CRISPLD2: variants seen among roughly 807,000 people sequenced by gnomAD.
The protein encoded by CRISPLD2 is cysteine-rich secretory protein LCCL domain-containing 2.
A neutral mutation model predicts 71.1 loss-of-function variants in CRISPLD2; 47 were observed. That is an observed-to-expected ratio of 0.66 (90% CI 0.52 to 0.84). The LOEUF is 0.84. Among genes scored for constraint, CRISPLD2 ranks in the 40% least tolerant of loss-of-function variants. The probability of loss-of-function intolerance (pLI) is 0.00; values close to 1 mark genes in which losing one functional copy is unlikely to be tolerated. For missense variants in CRISPLD2, 830 were observed against 651.1 expected (o/e 1.27, Z -2.99); for synonymous variants, 317 against 250.1 (o/e 1.27, Z -2.52).
intron 14 of CRISPLD2, among the ~76,000 whole-genome samples, chr16:84,906,277 G>T (rs2071801673): frequency 6.6e-6 from 1 of 152,066 alleles, no homozygotes; most frequent in African/African-American, 2.4e-5. Context: ...GTGAAACCAA[G>T]CAGAATTCTC....
At chr16:84,865,958 A>T (rs1303131276) in intron 6 of CRISPLD2, among the ~76,000 whole-genome samples, 1 of 152,226 alleles carries the variant, frequency 6.6e-6, no homozygotes, top group Non-Finnish European at 1.5e-5. Context: ...GGATAGTTGG[A>T]TAGTTCTACA....
intron 4 of CRISPLD2, among the ~76,000 whole-genome samples, chr16:84,850,146 A>C (rs1917044342): frequency 1.3e-5 from 2 of 150,546 alleles, no homozygotes; most frequent in Middle Eastern, 3.4e-3. Context: ...GCTGGAGTGC[A>C]GTGGCACGAT....
chr16:84,882,900 C>T (rs762754921), intron 13 of CRISPLD2, among the ~76,000 whole-genome samples: 20 of 152,174 alleles, frequency 1.3e-4, no homozygotes, highest in African/African-American at 2.9e-4. Flanking sequence ...TGCTCTTTCC[C>T]TGGTGTATGC....
At chr16:84,883,737 A>G (rs961066161) in intron 13 of CRISPLD2, among the ~76,000 whole-genome samples, 28 of 151,872 alleles carry the variant, frequency 1.8e-4, no homozygotes, top group Non-Finnish European at 2.5e-4. Context: ...GGAATTTTCT[A>G]TTGTGGTGGT....
At chr16:84,868,456 C>A (rs1917602380) in intron 7 of CRISPLD2, among the ~76,000 whole-genome samples, 1 of 152,198 alleles carries the variant, frequency 6.6e-6, no homozygotes, top group Non-Finnish European at 1.5e-5. Flanking sequence ...GCAGCATCCT[C>A]CCTACCCTCT....
intron 6 of CRISPLD2, 64 bp from the exon 7 acceptor site, chr16:84,866,832 TC>T (rs980612914): frequency 1.7e-5 from 25 of 1,510,246 alleles, no homozygotes; most frequent in Non-Finnish European, 2.1e-5. Flanking sequence ...TGCTTTTTTT[TC>T]CCCAAAGTGC....
At chr16:84,888,738 G>C in intron 13 of CRISPLD2, among the ~76,000 whole-genome samples, 1 of 152,202 alleles carries the variant, frequency 6.6e-6, no homozygotes, top group Non-Finnish European at 1.5e-5. Context: ...CTCTGCCTGG[G>C]ATGCTCTGTG....
chr16:84,882,474 G>A (rs813496), intron 13 of CRISPLD2, among the ~76,000 whole-genome samples: 58,274 of 151,556 alleles, frequency 0.38, 11,683 homozygotes, highest in East Asian at 0.62. Flanking sequence ...GCAATTGCAC[G>A]ATCTCGGCTC....
At chr16:84,820,986 G>A (rs961044143) in intron 1 of CRISPLD2, among the ~76,000 whole-genome samples, 3 of 152,246 alleles carry the variant, frequency 2.0e-5, no homozygotes, top group Admixed American at 2.0e-4. Flanking sequence ...AGCCAGGGAG[G>A]ACTTCGCTGA....
rs3803632 is a variant in CRISPLD2, at chr16:84,906,919, G to C, written c.*277G>C. 28,338 of 514,356 alleles carry C rather than the reference G, an allele frequency of 0.055. 1,175 individuals are homozygous for C. The highest frequency in any genetic ancestry group is 0.2 in the East Asian group (5,679 of 28,364). The allele number at this position is 514,356 out of a possible 1,614,324, so 31.9% of individuals were successfully genotyped here. Reference sequence around the variant, plus strand: ...CCTCTCTCCTTTAGAGATCTGAGCTGTCTCTTAAAGGGGACAGTTGCCCAA... The same window carrying C: ...CCTCTCTCCTTTAGAGATCTGAGCTCTCTCTTAAAGGGGACAGTTGCCCAA... On this transcript the variant is annotated 3_prime_UTR_variant, in exon 15 of 15. Transcript: ENST00000262424.
chr16:84,861,268 C>T (rs1917371979), intron 6 of CRISPLD2, among the ~76,000 whole-genome samples: 1 of 152,162 alleles, frequency 6.6e-6, no homozygotes, highest in Admixed American at 6.5e-5. Context: ...TCTAGAACCA[C>T]TCCTGGTACC....
At chr16:84,837,054 C>G (rs1357073280) in intron 1 of CRISPLD2, among the ~76,000 whole-genome samples, 7 of 152,220 alleles carry the variant, frequency 4.6e-5, no homozygotes, top group Non-Finnish European at 8.8e-5. Flanking sequence ...CTTCGCATCC[C>G]CAGTCTCCAT....
In CRISPLD2 at chr16:84,909,443, A is replaced by T. The variant is rs2485; in HGVS notation, c.*2801A>T. On this transcript the variant is annotated 3_prime_UTR_variant, in exon 15 of 15. Transcript: ENST00000262424. ...CAGTAGAACTGGTTTGATTTCTAAAATGTTCCTGTAACATATCTTTTATGA... is the reference window on the plus strand; with the variant it reads ...CAGTAGAACTGGTTTGATTTCTAAATTGTTCCTGTAACATATCTTTTATGA... 0.048 allele frequency: 7,309 copies of T among 152,764 alleles called. 295 individuals are homozygous for T. The highest frequency in any genetic ancestry group is 0.24 in the East Asian group (1,267 of 5,188). 9.5% of individuals were successfully genotyped at this position (152,764 alleles called of 1,614,324 possible). A position where few individuals can be genotyped will look rare whatever the true frequency, so the allele number is the denominator to read the frequency against.
chr16:84,893,648 A>T (rs984513295), intron 14 of CRISPLD2, among the ~76,000 whole-genome samples: 1 of 152,202 alleles, frequency 6.6e-6, no homozygotes, highest in African/African-American at 2.4e-5. Context: ...GTGGAGGGAC[A>T]GTTCAGGGAG....
At chr16:84,853,573 C>T (rs565722359) in intron 5 of CRISPLD2, among the ~76,000 whole-genome samples, 12 of 152,296 alleles carry the variant, frequency 7.9e-5, no homozygotes, top group Non-Finnish European at 1.2e-4. Context: ...CTTCTGGGGC[C>T]GCGGGAAGTT....
chr16:84,831,723 T>G (rs1298572709), intron 1 of CRISPLD2, among the ~76,000 whole-genome samples: 2 of 152,202 alleles, frequency 1.3e-5, no homozygotes, highest in African/African-American at 4.8e-5. Flanking sequence ...ATTTTTATTT[T>G]TTTTAATTTT....
At chr16:84,850,532 C>T (rs751235634) in intron 4 of CRISPLD2, 36 bp from the exon 5 acceptor site, 17 of 1,571,436 alleles carry the variant, frequency 1.1e-5, no homozygotes, top group Middle Eastern at 1.7e-4. Flanking sequence ...TGTGCCTTAT[C>T]CCTCGAGCTG....
chr16:84,878,148 CAGG>C (rs2071537056), intron 12 of CRISPLD2, among the ~76,000 whole-genome samples: 1 of 151,864 alleles, frequency 6.6e-6, no homozygotes, highest in Non-Finnish European at 1.5e-5. Flanking sequence ...GGCGTGAACC[CAGG>C]AGGTGGAGCT....
intron 1 of CRISPLD2, among the ~76,000 whole-genome samples, chr16:84,823,807 G>A (rs1327046500): frequency 2.0e-5 from 3 of 152,218 alleles, no homozygotes; most frequent in African/African-American, 4.8e-5. Context: ...TGCAATTTCC[G>A]GACCATCATT....
Sources: allele counts gnomAD v4.1 joint callset (sites outside exome capture counted in the v4.1 genomes callset), GRCh38; gene constraint gnomAD v4.1.1; transcripts MANE v1.5; gene names NCBI Gene and HGNC (gene_info 2026-07-23, HGNC 2026-07-21).